Variants in DQX1 observed in about 807,000 individuals in gnomAD.
The protein encoded by DQX1 is DEAQ-box RNA dependent ATPase 1.
In DQX1, 66 loss-of-function variants were observed where a neutral mutation model predicts 81.3. The observed-to-expected ratio is 0.81, with a 90% CI of 0.67 to 1.00. The LOEUF (loss-of-function observed/expected upper bound fraction) is 1.00, where lower values mean the gene tolerates loss of function less well. Ranked by LOEUF, DQX1 falls within the 50% of genes least tolerant of loss-of-function variation. DQX1 has a pLI of 0.00. For synonymous variants in DQX1, 290 were observed against 350.0 expected (o/e 0.83, Z 1.91); for missense variants, 798 against 867.9 (o/e 0.92, Z 1.01).
intron 1 of DQX1, 47 bp downstream of exon 1, chr2:74,526,089 G>A (rs1217799635): frequency 8.3e-6 from 2 of 241,106 alleles, no homozygotes; most frequent in East Asian, 1.1e-4. Flanking sequence ...AAGAATATAG[G>A]GGGTGGGGAG....
chr2:74,518,342 C>T lies in DQX1; in HGVS notation c.*104G>A, dbSNP rs1203141915. Reference sequence around the variant, plus strand: ...CTCAGGTTCCAGGGTTTACATTTGACCCTAAACTTTGGGCTTCTAAATCTG... The same window carrying T: ...CTCAGGTTCCAGGGTTTACATTTGATCCTAAACTTTGGGCTTCTAAATCTG... On this transcript the variant is annotated 3_prime_UTR_variant, in exon 12 of 12. Coordinates refer to ENST00000404568, the MANE Select transcript of DQX1 (RefSeq NM_133637.3). 1.4e-6 allele frequency: 2 copies of T among 1,400,672 alleles called. No individual in the cohort carries two copies. Among genetic ancestry groups the T allele is most frequent in the Non-Finnish European group, 9.8e-7 (1 of 1,025,118 alleles). 86.8% of individuals were successfully genotyped at this position (1,400,672 alleles called of 1,614,324 possible). A position where few individuals can be genotyped will look rare whatever the true frequency, so the allele number is the denominator to read the frequency against.
intron 11 of DQX1, 112 bp from the exon 12 acceptor site, chr2:74,518,714 A>G (rs114928052): frequency 2.9e-6 from 3 of 1,047,182 alleles, no homozygotes; most frequent in Middle Eastern, 2.9e-4. Context: ...TGGCATGATC[A>G]TAACTCACTG....
In DQX1 at chr2:74,518,549, C is replaced by A. The variant is rs1156791663; in HGVS notation, c.2051G>T (p.Ser684Ile). The change falls in exon 12 of 12, where the codon AGC becomes ATC. Residue 684 changes from serine to isoleucine, a missense_variant. Physicochemically the swap from Ser to Ile is moderately radical, Grantham distance 142. Transcript: ENST00000404568. ...YFLSNLPPSE[S>I]RDLLNQLREG... is the part of the protein sequence containing the mutation. ...CCTTAGCTGGTTCAGAAGGTCTCTG[C>A]TCTCACTGGGAGGCAAGTTACTCAG... 6.2e-7 allele frequency: 1 copy of A among 1,614,090 alleles called. No homozygotes were observed. Among genetic ancestry groups the A allele is most frequent in the East Asian group, 2.2e-5 (1 of 44,900 alleles).
Position 74,525,640 on chromosome 2 carries a change from G to A in DQX1, c.90C>T (p.Pro30=), listed in dbSNP as rs780743436. 2.3e-5 allele frequency: 35 copies of A among 1,551,672 alleles called. 1 individual carries two copies. The South Asian group carries it at 4.2e-4, about 18-fold the overall frequency. Residue 30 remains proline (P), a synonymous_variant, in exon 2 of 12, where the codon CCC becomes CCT. Transcript: ENST00000404568. This position sits in a 1 kb window ranked among gnomAD's most constrained non-coding sequence, Gnocchi z 4.1. The part of the protein sequence containing the change: ...ELAVNPFDGL[P]FSSRYYELLK... ...GCAGCTCATAGTAGCGGGAAGAGAA[G>A]GGAAGCCCATCAAAGGGGTTCACAG... is the stretch of plus-strand genomic sequence containing the variant.
In DQX1 at chr2:74,525,836, A is replaced by G; in HGVS notation, c.-19-88T>C. On this transcript the variant is annotated intron_variant, in intron 1 of 11. Transcript: ENST00000404568. This position sits in a 1 kb window ranked among gnomAD's most constrained non-coding sequence, Gnocchi z 4.1. ...GCCCTGATCCTTAACCTCTACCTTC[A>G]GTTGATCATGCTCTGGGGCCCACCC... The G allele has an allele frequency of 1.1e-6, 1 of 923,188 alleles. No homozygotes were observed. The highest frequency in any genetic ancestry group is 1.6e-6 in the Non-Finnish European group (1 of 618,280). 57.2% of individuals were successfully genotyped at this position (923,188 alleles called of 1,614,324 possible).
chr2:74,520,490 T>C (rs1407935568), intron 8 of DQX1, among the ~76,000 whole-genome samples: 1 of 152,024 alleles, frequency 6.6e-6, no homozygotes, highest in Non-Finnish European at 1.5e-5. Context: ...TAATATAGCA[T>C]ATTTGGGGAA....
rs1405190430 is a variant in DQX1, at chr2:74,523,379, C to G, written c.975G>C (p.Trp325Cys). The change falls in exon 5 of 12, where the codon TGG becomes TGC. Residue 325 changes from tryptophan (W) to cysteine (C), a missense_variant. By Grantham distance (215) the Trp-to-Cys change is radical. Transcript: ENST00000404568. ...GGAGGGAGAAGGAGAAGTCAGCCAG[C>G]CAGTGAGTGACCACAACCTTTCGGG... is the stretch of plus-strand genomic sequence containing the variant. Reference protein sequence around the residue: ...MDARKVVVTHWLADFSFSLPS... With the variant: ...MDARKVVVTHCLADFSFSLPS... 8 of 1,614,060 alleles carry G rather than the reference C, an allele frequency of 5.0e-6. No homozygotes were observed. The highest frequency in any genetic ancestry group is 6.8e-6 in the Non-Finnish European group (8 of 1,180,038).
In DQX1 at chr2:74,523,455, A is replaced by T; in HGVS notation, c.899T>A (p.Leu300His). The T allele has an allele frequency of 6.2e-7, 1 of 1,613,154 alleles. No individual in the cohort carries two copies. The highest frequency in any genetic ancestry group is 8.5e-7 in the Non-Finnish European group (1 of 1,179,434). ...LQGLPPRVLP[L>H]HPDCGRAVQA... ...AACGGCTCGTCCACAGTCTGGGTGA[A>T]GGGGCAGTACTCGTGGTGGAAGCCC... is the stretch of plus-strand genomic sequence containing the variant. The change falls in exon 5 of 12, where the codon CTT becomes CAT. Residue 300 changes from leucine to histidine, a missense_variant. By Grantham distance (99) the Leu-to-His change is moderately conservative (BLOSUM62 -3). Coordinates refer to ENST00000404568, the MANE Select transcript of DQX1 (RefSeq NM_133637.3).
Position 74,519,139 on chromosome 2 carries a change from C to G in DQX1, c.1898G>C (p.Arg633Pro). The change falls in exon 11 of 12, where the codon CGC becomes CCC. Residue 633 changes from arginine to proline, a missense_variant. Coordinates refer to ENST00000404568, the MANE Select transcript of DQX1 (RefSeq NM_133637.3). ...TGGTGGGGGTCTGGCAGGAGCTCTGCGGCTTCGGTAGCAGCAGTATGAGGA... is the reference window on the plus strand; with the variant it reads ...TGGTGGGGGTCTGGCAGGAGCTCTGGGGCTTCGGTAGCAGCAGTATGAGGA... ...QLSSYCCYRS[R>P]RAPARPPPWV... 3 of 1,613,254 alleles carry G rather than the reference C, an allele frequency of 1.9e-6. No individual in the cohort carries two copies. The highest frequency in any genetic ancestry group is 2.5e-6 in the Non-Finnish European group (3 of 1,179,556).
chr2:74,524,974 AATTAT>A lies in DQX1; in HGVS notation c.431+30_431+34del, dbSNP rs752530700. 8.1e-5 allele frequency: 129 copies of A among 1,585,214 alleles called. 1 individual carries two copies. The East Asian group carries it at 1.1e-3, about 13-fold the overall frequency. On this transcript the variant is annotated intron_variant, in intron 3 of 11. Transcript: ENST00000404568. The stretch of plus-strand genomic sequence containing the variant: ...GGGTTTGTTTCTACTGAATAAGGGG[AATTAT>A]ATTCGGGTAAGGCCTGCAGAGGCCC...
At chr2:74,518,732 A>C (rs1049297399) in intron 11 of DQX1, 130 bp from the exon 12 acceptor site, 1 of 891,808 alleles carries the variant, frequency 1.1e-6, no homozygotes, top group African/African-American at 1.7e-5. Context: ...CTGTAGCCTT[A>C]GACTCCCGTA....
intron 11 of DQX1, 119 bp from the exon 12 acceptor site, chr2:74,518,721 A>C: frequency 1.0e-6 from 1 of 988,652 alleles, no homozygotes; most frequent in Non-Finnish European, 1.5e-6. Flanking sequence ...ATCATAACTC[A>C]CTGTAGCCTT....
intron 4 of DQX1, 32 bp downstream of exon 4, chr2:74,523,891 G>A: frequency 6.6e-7 from 1 of 1,507,250 alleles, no homozygotes; most frequent in Non-Finnish European, 8.9e-7. Context: ...TCATTTTGCA[G>A]GCTGTTTTTT....
chr2:74,518,912 T>C (rs1294591096), intron 11 of DQX1, 128 bp downstream of exon 11: 2 of 1,034,318 alleles, frequency 1.9e-6, no homozygotes, highest in East Asian at 2.5e-5. Context: ...CTTCCACAAA[T>C]CCTGTCTCCT....
At chr2:74,519,890 T>C (rs1449881078) in intron 9 of DQX1, 25 bp downstream of exon 9, 1 of 1,605,498 alleles carries the variant, frequency 6.2e-7, no homozygotes, top group South Asian at 1.1e-5. Flanking sequence ...AAATCTGGGA[T>C]TCTATAAAAG....
rs1490041043 is a variant in DQX1 at position 74,523,021 on chromosome 2, G to C, written c.1145-7C>G. ...TACAGGCAGAGGCAGGATCCTGAGG[G>C]GAAAAAGACCTGGGAAAGAAGACCA... is the stretch of plus-strand genomic sequence containing the variant. On this transcript the variant is annotated splice_region_variant and splice_polypyrimidine_tract_variant and intron_variant, in intron 6 of 11. Transcript: ENST00000404568. 1.9e-6 allele frequency: 3 copies of C among 1,613,826 alleles called. No homozygotes were observed. In the African/African-American group the frequency reaches 4.0e-5, roughly 22 times the overall value.
intron 3 of DQX1, among the ~76,000 whole-genome samples, 198 bp from the exon 4 acceptor site, chr2:74,524,505 G>T (rs534053320): frequency 8.0e-4 from 122 of 152,334 alleles, no homozygotes; most frequent in Middle Eastern, 6.8e-3. Flanking sequence ...GTATACGCCA[G>T]CTGGGAAGTG....
chr2:74,524,206 G>C lies in DQX1; in HGVS notation c.533C>G (p.Ala178Gly), dbSNP rs199643764. Residue 178 changes from alanine to glycine, a missense_variant, in exon 4 of 12, where the codon GCA (alanine) becomes GGA (glycine). Ala to Gly is a moderately conservative substitution (Grantham distance 60). Transcript: ENST00000404568. ...CAGTAGCCCCTGGAGTGAATCTGATGCCACCGACCGCTCCTGAGCCTCATC... is the reference window on the plus strand; with the variant it reads ...CAGTAGCCCCTGGAGTGAATCTGATCCCACCGACCGCTCCTGAGCCTCATC... ...VLDEAQERSV[A>G]SDSLQGLLQD... The C allele has an allele frequency of 6.2e-7, 1 of 1,614,108 alleles. No individual in the cohort carries two copies. The highest frequency in any genetic ancestry group is 1.7e-5 in the Admixed American group (1 of 60,016).
rs1295743861 is a variant in DQX1 at position 74,519,196 on chromosome 2, A to C, written c.1841T>G (p.Leu614Arg). The C allele has an allele frequency of 4.4e-6, 7 of 1,590,926 alleles. No homozygotes were observed. Among genetic ancestry groups the C allele is most frequent in the Non-Finnish European group, 6.0e-6 (7 of 1,168,844 alleles). Residue 614 changes from leucine (L) to arginine (R), a missense_variant, in exon 11 of 12, where the codon CTT (leucine) becomes CGT (arginine). Transcript: ENST00000404568. ...GGCCACATGCTTATGGGTTAGGAGA[A>C]GGTAATTTCCAGTCCCGTCTGTGTC... ...ARDTDGTGNY[L>R]LLTHKHVAQL... is the part of the protein sequence containing the mutation.
Sources: gnomAD v4.1 joint callset for allele counts (sites outside exome capture counted in the v4.1 genomes callset) on GRCh38, gnomAD v4.1.1 for gene constraint, Gnocchi (gnomAD v3.1) non-coding constraint, MANE v1.5 for transcripts, NCBI Gene and HGNC (gene_info 2026-07-23, HGNC 2026-07-21) for gene names.